Variants in PAX5 observed in about 807,000 individuals in gnomAD.
PAX5 encodes the protein paired box 5.
A neutral mutation model predicts 43.7 loss-of-function variants in PAX5; 9 were observed. The observed-to-expected ratio is 0.21, with a 90% CI of 0.12 to 0.36. The LOEUF (loss-of-function observed/expected upper bound fraction) is 0.36, where lower values mean the gene tolerates loss of function less well. PAX5 is among the 10% of genes least tolerant of loss of function. The probability of loss-of-function intolerance (pLI) is 1.00; values close to 1 mark genes in which losing one functional copy is unlikely to be tolerated. For missense variants in PAX5, 383 were observed against 532.7 expected (o/e 0.72, Z 2.77); for synonymous variants, 228 against 214.3 (o/e 1.06, Z -0.56).
intron 5 of PAX5, among the ~76,000 whole-genome samples, chr9:36,984,120 C>G (rs1237475439): frequency 6.6e-6 from 1 of 152,190 alleles, no homozygotes; most frequent in Non-Finnish European, 1.5e-5. Flanking sequence ...CTCCTCCCTG[C>G]TGGAGCCTTC....
chr9:36,922,287 T>A (rs1373702169), intron 7 of PAX5, among the ~76,000 whole-genome samples: 9 of 152,174 alleles, frequency 5.9e-5, no homozygotes, highest in Non-Finnish European at 8.8e-5. Flanking sequence ...GAGTCCCGTG[T>A]CACTGTCACT....
At chr9:36,857,828 C>G (rs1218650445) in intron 8 of PAX5, among the ~76,000 whole-genome samples, 3 of 152,350 alleles carry the variant, frequency 2.0e-5, no homozygotes, top group East Asian at 1.9e-4. Context: ...CCCAACAAGG[C>G]AGCTGAGAAT....
intron 8 of PAX5, among the ~76,000 whole-genome samples, chr9:36,870,378 A>G (rs1031044153): frequency 1.3e-5 from 2 of 152,230 alleles, no homozygotes; most frequent in African/African-American, 4.8e-5. Context: ...TTATAATTTT[A>G]CTTTTGAAAT....
intron 6 of PAX5, among the ~76,000 whole-genome samples, chr9:36,958,545 G>T (rs1424075851): frequency 6.6e-6 from 1 of 152,066 alleles, no homozygotes; most frequent in Admixed American, 6.5e-5. Context: ...CACTTTTTGG[G>T]CAATACTACG....
At chr9:36,905,516 C>T (rs2131877420) in intron 7 of PAX5, among the ~76,000 whole-genome samples, 1 of 152,302 alleles carries the variant, frequency 6.6e-6, no homozygotes, top group South Asian at 2.1e-4. Flanking sequence ...CAGCAGACTG[C>T]CGCCACCTCT....
intron 5 of PAX5, among the ~76,000 whole-genome samples, chr9:36,985,592 G>A (rs1480690283): frequency 6.6e-6 from 1 of 152,192 alleles, no homozygotes; most frequent in Non-Finnish European, 1.5e-5. Flanking sequence ...AGAAGGCTGT[G>A]GGGCCTCAGA....
intron 5 of PAX5, among the ~76,000 whole-genome samples, chr9:36,970,538 G>A (rs984805192): frequency 8.5e-5 from 13 of 152,136 alleles, no homozygotes; most frequent in Non-Finnish European, 1.8e-4. Context: ...CGAATCGCTC[G>A]TTCCTTCAGG....
At chr9:36,966,443 C>A in intron 6 of PAX5, 106 bp downstream of exon 6, 25 of 1,218,810 alleles carry the variant, frequency 2.1e-5, no homozygotes, top group Non-Finnish European at 2.9e-5. Context: ...CTGAGCAGAA[C>A]CTGGTGTGCC....
At chr9:37,022,480 T>C (rs969387414) in intron 1 of PAX5, among the ~76,000 whole-genome samples, 5 of 152,206 alleles carry the variant, frequency 3.3e-5, no homozygotes, top group Admixed American at 1.3e-4. Flanking sequence ...AATTCAAAAT[T>C]GGTATAAGCT....
chr9:36,994,935 G>A (rs1017763962), intron 5 of PAX5, among the ~76,000 whole-genome samples: 1 of 152,044 alleles, frequency 6.6e-6, no homozygotes, highest in Non-Finnish European at 1.5e-5. Flanking sequence ...CCCCCACCAC[G>A]ACCACACCCC....
At chr9:36,880,257 C>G (rs1375750644) in intron 8 of PAX5, among the ~76,000 whole-genome samples, 1 of 152,240 alleles carries the variant, frequency 6.6e-6, no homozygotes, top group Admixed American at 6.5e-5. Flanking sequence ...GGGCCTTGCA[C>G]ACGCATGTGT....
intron 6 of PAX5, among the ~76,000 whole-genome samples, chr9:36,939,923 C>T (rs1831902498): frequency 6.6e-6 from 1 of 152,186 alleles, no homozygotes; most frequent in African/African-American, 2.4e-5. Flanking sequence ...TGTCACCCTC[C>T]CCTCGACGCG....
At chr9:36,941,347 A>G (rs1038060649) in intron 6 of PAX5, among the ~76,000 whole-genome samples, 1 of 152,184 alleles carries the variant, frequency 6.6e-6, no homozygotes, top group Non-Finnish European at 1.5e-5. Context: ...TATTCTTTTT[A>G]CTACCGCTAT....
At chr9:36,955,497 T>C (rs1325090423) in intron 6 of PAX5, among the ~76,000 whole-genome samples, 1 of 152,078 alleles carries the variant, frequency 6.6e-6, no homozygotes, top group African/African-American at 2.4e-5. Flanking sequence ...AGCTTGTGGG[T>C]AAAACTTACC....
intron 8 of PAX5, among the ~76,000 whole-genome samples, chr9:36,875,817 A>G (rs1825861794): frequency 6.6e-6 from 1 of 152,224 alleles, no homozygotes; most frequent in South Asian, 2.1e-4. Context: ...GGCAGCAGCA[A>G]CAAGCTAGGA....
At chr9:36,981,434 C>CAAAAAAAAAAAAAAAA (rs571402545) in intron 5 of PAX5, among the ~76,000 whole-genome samples, 1 of 97,104 alleles carries the variant, frequency 1.0e-5, no homozygotes. Context: ...CTGAAACTGG[C>CAAAAAAAAAAAAAAAA]AAAAAAAAAA....
At chr9:36,998,414 G>A (rs1416256059) in intron 5 of PAX5, among the ~76,000 whole-genome samples, 7 of 152,186 alleles carry the variant, frequency 4.6e-5, no homozygotes, top group Non-Finnish European at 1.0e-4. Flanking sequence ...CCAAACAAAA[G>A]CACCCTTGAC....
chr9:36,926,760 G>A (rs1044477872), intron 6 of PAX5, among the ~76,000 whole-genome samples: 15 of 152,180 alleles, frequency 9.9e-5, no homozygotes, highest in African/African-American at 9.7e-5. Context: ...AATGGTGGGC[G>A]TGCATTCGTT....
intron 6 of PAX5, among the ~76,000 whole-genome samples, chr9:36,928,629 T>C (rs1172417148): frequency 2.0e-5 from 3 of 152,170 alleles, no homozygotes; most frequent in Non-Finnish European, 2.9e-5. Flanking sequence ...GGGAAGTGTT[T>C]GAACAAGAGC....
Sources: allele counts gnomAD v4.1 joint callset (sites outside exome capture counted in the v4.1 genomes callset), GRCh38; gene constraint gnomAD v4.1.1; transcripts MANE v1.5; gene names NCBI Gene and HGNC (gene_info 2026-07-23, HGNC 2026-07-21).